Variants in ERBB4 observed in about 807,000 individuals in gnomAD.
The protein encoded by ERBB4 is receptor tyrosine-protein kinase erbB-4.
ERBB4 carries 42 observed loss-of-function variants against 158.0 expected under a neutral mutation model. That is an observed-to-expected ratio of 0.27 (90% CI 0.21 to 0.34). The LOEUF is 0.34. ERBB4 is among the 10% of genes least tolerant of loss of function. The pLI is 1.00. For missense variants in ERBB4, 1,333 were observed against 1,624.1 expected (o/e 0.82, Z 3.08); for synonymous variants, 583 against 558.7 (o/e 1.04, Z -0.61).
chr2:211,978,420 A>ATCTATCTG (rs2081691768), intron 2 of ERBB4, among the ~76,000 whole-genome samples: 1 of 151,646 alleles, frequency 6.6e-6, no homozygotes, highest in Non-Finnish European at 1.5e-5. Flanking sequence ...CTATCTATCT[A>ATCTATCTG]TCTATCTATC....
At chr2:212,225,575 G>T (rs1232491490) in intron 1 of ERBB4, among the ~76,000 whole-genome samples, 1 of 151,762 alleles carries the variant, frequency 6.6e-6, no homozygotes, top group African/African-American at 2.4e-5. Context: ...TCCTATAGAG[G>T]TAATTAGGAT....
chr2:212,196,039 C>A (rs1420605385), intron 1 of ERBB4, among the ~76,000 whole-genome samples: 1 of 152,016 alleles, frequency 6.6e-6, no homozygotes, highest in African/African-American at 2.4e-5. Flanking sequence ...TTTTAATGTG[C>A]AGTTGACCCT....
At chr2:211,399,966 A>G (rs1379264184) in intron 25 of ERBB4, among the ~76,000 whole-genome samples, 1 of 152,202 alleles carries the variant, frequency 6.6e-6, no homozygotes, top group Admixed American at 6.6e-5. Context: ...ACACATAAGG[A>G]AGGACCATTT....
chr2:212,519,111 T>A (rs772205999), intron 1 of ERBB4, among the ~76,000 whole-genome samples: 18 of 151,962 alleles, frequency 1.2e-4, no homozygotes, highest in Non-Finnish European at 5.9e-5. Context: ...AAACCTAAAC[T>A]GCGTTTCTAC....
chr2:212,134,553 T>TA (rs2080208578), intron 1 of ERBB4, among the ~76,000 whole-genome samples: 1 of 152,030 alleles, frequency 6.6e-6, no homozygotes, highest in Admixed American at 6.6e-5. Flanking sequence ...TTTTTCAGTG[T>TA]AAAAATTGGT....
At chr2:212,155,624 C>T (rs2081012750) in intron 1 of ERBB4, among the ~76,000 whole-genome samples, 3 of 152,002 alleles carry the variant, frequency 2.0e-5, no homozygotes, top group Admixed American at 1.3e-4. Context: ...ACGGCGACCA[C>T]AGAATTCAGG....
At chr2:212,067,833 C>T (rs76769660) in intron 2 of ERBB4, among the ~76,000 whole-genome samples, 12,158 of 151,956 alleles carry the variant, frequency 0.08, 687 homozygotes, top group Non-Finnish European at 0.12. Flanking sequence ...GTAGTTCCTG[C>T]GGGTAACTTG....
At chr2:212,330,668 G>T (rs1421521703) in intron 1 of ERBB4, among the ~76,000 whole-genome samples, 1 of 151,826 alleles carries the variant, frequency 6.6e-6, no homozygotes, top group African/African-American at 2.4e-5. Flanking sequence ...ATCAGTAGGT[G>T]GGGGCATATG....
intron 1 of ERBB4, among the ~76,000 whole-genome samples, chr2:212,144,933 T>G (rs2080614970): frequency 6.6e-6 from 1 of 152,224 alleles, no homozygotes; most frequent in Non-Finnish European, 1.5e-5. Context: ...TTTCTAATCT[T>G]AGTATTTGCC....
intron 25 of ERBB4, among the ~76,000 whole-genome samples, chr2:211,401,452 T>C (rs2063040770): frequency 6.6e-6 from 1 of 151,960 alleles, no homozygotes; most frequent in South Asian, 2.1e-4. Flanking sequence ...ATCTCAGAAT[T>C]CATGATGAGG....
intron 1 of ERBB4, among the ~76,000 whole-genome samples, chr2:212,255,419 C>A (rs1013177508): frequency 1.3e-5 from 2 of 152,074 alleles, no homozygotes; most frequent in Admixed American, 6.6e-5. Context: ...TTTACCTAAT[C>A]TGCCAATTAT....
intron 2 of ERBB4, among the ~76,000 whole-genome samples, chr2:212,017,885 A>T (rs963970550): frequency 6.6e-6 from 1 of 152,042 alleles, no homozygotes; most frequent in African/African-American, 2.4e-5. Flanking sequence ...CACACTGAAA[A>T]TTTTCTATCT....
intron 9 of ERBB4, among the ~76,000 whole-genome samples, chr2:211,709,258 T>TAC (rs1402970012): frequency 0.15 from 15,795 of 103,722 alleles, 994 homozygotes; most frequent in Non-Finnish European, 0.18. Flanking sequence ...TATACACATA[T>TAC]ATATATATAT....
chr2:211,739,295 A>T (rs975393029), intron 5 of ERBB4, among the ~76,000 whole-genome samples: 1 of 152,184 alleles, frequency 6.6e-6, no homozygotes, highest in Non-Finnish European at 1.5e-5. Flanking sequence ...TGTAAAAACT[A>T]AATCACTGTA....
At chr2:212,323,907 G>A (rs1006740158) in intron 1 of ERBB4, among the ~76,000 whole-genome samples, 59 of 150,522 alleles carry the variant, frequency 3.9e-4, no homozygotes, top group African/African-American at 1.2e-3. Context: ...CTACATCATG[G>A]TAGAAGTCAC....
intron 12 of ERBB4, among the ~76,000 whole-genome samples, chr2:211,684,225 G>T (rs1350308295): frequency 6.6e-6 from 1 of 152,178 alleles, no homozygotes; most frequent in Non-Finnish European, 1.5e-5. Flanking sequence ...GCCAAAGCTG[G>T]TGGATCATCT....
intron 1 of ERBB4, among the ~76,000 whole-genome samples, chr2:212,507,918 A>G (rs900185246): frequency 1.3e-5 from 2 of 152,350 alleles, no homozygotes; most frequent in Admixed American, 1.3e-4. Context: ...ACAAAACAGC[A>G]TCACATGCTG....
chr2:211,954,269 T>C (rs887745649), intron 2 of ERBB4, among the ~76,000 whole-genome samples: 3 of 152,118 alleles, frequency 2.0e-5, no homozygotes, highest in African/African-American at 7.2e-5. Context: ...TAATAAGTGT[T>C]TAGAATGATT....
intron 3 of ERBB4, among the ~76,000 whole-genome samples, chr2:211,803,416 ACT>A (rs1453807978): frequency 6.6e-6 from 1 of 152,096 alleles, no homozygotes. Flanking sequence ...TCTTTTAAAC[ACT>A]CTGTCAGAAA....
Sources: gnomAD v4.1 joint callset for allele counts (sites outside exome capture counted in the v4.1 genomes callset) on GRCh38, gnomAD v4.1.1 for gene constraint, MANE v1.5 for transcripts, NCBI Gene and HGNC (gene_info 2026-07-23, HGNC 2026-07-21) for gene names.